Variants in ZNRF3 observed in about 807,000 individuals in gnomAD.
The protein encoded by ZNRF3 is zinc and ring finger 3.
ZNRF3 carries 23 observed loss-of-function variants against 72.5 expected under a neutral mutation model. The observed-to-expected ratio is 0.32, with a 90% CI of 0.23 to 0.45. ZNRF3 has a LOEUF of 0.45. ZNRF3 is among the 20% of genes least tolerant of loss of function. The probability of loss-of-function intolerance (pLI) is 1.00; values close to 1 mark genes in which losing one functional copy is unlikely to be tolerated. For missense variants in ZNRF3, 1,169 were observed against 1,272.1 expected (o/e 0.92, Z 1.23); for synonymous variants, 610 against 545.3 (o/e 1.12, Z -1.65).
At chr22:28,958,981 G>T (rs895197750) in intron 1 of ZNRF3, among the ~76,000 whole-genome samples, 1 of 152,202 alleles carries the variant, frequency 6.6e-6, no homozygotes, top group African/African-American at 2.4e-5. Context: ...ACCCGTTCTG[G>T]TATGAAATTT....
At chr22:28,921,625 G>A (rs2034515137) in intron 1 of ZNRF3, among the ~76,000 whole-genome samples, 1 of 152,198 alleles carries the variant, frequency 6.6e-6, no homozygotes, top group African/African-American at 2.4e-5. Context: ...ATTGTTTTGT[G>A]TTGTTTAACT....
chr22:29,049,918 G>C lies in ZNRF3; in HGVS notation c.1737G>C (p.Val579=), dbSNP rs199959219. ...GCACTGAGGTCAGCAACCAGGGCGT[G>C]TACGGGAGCTGCTCCACCTTCCGCA... The part of the protein sequence containing the change: ...VDCTEVSNQG[V]YGSCSTFRSS... Residue 579 remains valine, a synonymous_variant, in exon 8 of 9, where the codon GTG becomes GTC. Coordinates refer to ENST00000544604, the MANE Select transcript of ZNRF3 (RefSeq NM_001206998.2). This position sits in a 1 kb window ranked among gnomAD's most constrained non-coding sequence, Gnocchi z 5.2. 5.0e-6 allele frequency: 8 copies of C among 1,607,142 alleles called. No individual in the cohort carries two copies. The South Asian group carries it at 7.8e-5, about 16-fold the overall frequency.
At chr22:29,031,660 T>G in intron 2 of ZNRF3, 1 of 983,364 alleles carries the variant, frequency 1.0e-6, no homozygotes, top group Non-Finnish European at 1.2e-6. Context: ...CTTAGTGGCC[T>G]CCAGAGGGAG....
At chr22:29,008,555 G>A (rs1428203574) in intron 2 of ZNRF3, among the ~76,000 whole-genome samples, 2 of 152,128 alleles carry the variant, frequency 1.3e-5, no homozygotes, top group Non-Finnish European at 2.9e-5. Flanking sequence ...TTCCTTTCTC[G>A]TCAGCATCAA....
intron 1 of ZNRF3, among the ~76,000 whole-genome samples, chr22:28,901,645 T>TC (rs2034105893): frequency 6.7e-6 from 1 of 148,468 alleles, no homozygotes; most frequent in African/African-American, 2.5e-5. Flanking sequence ...CTTTTTTTTT[T>TC]TTTTTTTTTT....
chr22:28,975,059 A>G (rs1569267259), intron 1 of ZNRF3, among the ~76,000 whole-genome samples: 1 of 151,920 alleles, frequency 6.6e-6, no homozygotes, highest in Non-Finnish European at 1.5e-5. Flanking sequence ...TCTTTGGGGG[A>G]ACTTTTTTTT....
At chr22:28,923,993 T>G (rs935490423) in intron 1 of ZNRF3, among the ~76,000 whole-genome samples, 1 of 152,232 alleles carries the variant, frequency 6.6e-6, no homozygotes, top group African/African-American at 2.4e-5. Context: ...GGTATCGGCT[T>G]TGCCCCGGGC....
intron 2 of ZNRF3, among the ~76,000 whole-genome samples, chr22:29,001,296 TA>T (rs1377499408): frequency 6.6e-6 from 1 of 151,612 alleles, no homozygotes. Context: ...GAGCTTTACC[TA>T]TTTTTTTAAT....
chr22:28,927,154 A>C (rs1054435274), intron 1 of ZNRF3, among the ~76,000 whole-genome samples: 1 of 152,174 alleles, frequency 6.6e-6, no homozygotes, highest in African/African-American at 2.4e-5. Flanking sequence ...TGAGATTATC[A>C]ATGTAAACTT....
intron 1 of ZNRF3, among the ~76,000 whole-genome samples, chr22:28,981,270 C>T (rs146781499): frequency 5.1e-4 from 78 of 152,294 alleles, no homozygotes; most frequent in African/African-American, 1.7e-3. Flanking sequence ...GAATTTCTTA[C>T]AGAGAAGGTT....
chr22:28,934,762 G>A (rs2034788692), intron 1 of ZNRF3, among the ~76,000 whole-genome samples: 2 of 149,522 alleles, frequency 1.3e-5, no homozygotes, highest in South Asian at 4.2e-4. Context: ...AGGCTGCAGT[G>A]AGCCGAGATA....
chr22:29,012,101 T>C (rs959359455), intron 2 of ZNRF3, among the ~76,000 whole-genome samples: 3 of 152,238 alleles, frequency 2.0e-5, no homozygotes, highest in African/African-American at 7.2e-5. Flanking sequence ...GGATCTTATG[T>C]TGCCCCTGCC....
rs545093710 is a variant in ZNRF3, at chr22:29,028,711, A to C, written c.427-13784A>C. On this transcript the variant is annotated intron_variant, in intron 2 of 8. Transcript: ENST00000544604. ...GCCTCCAGCTGTAAAATGGGGATCA[A>C]CACCACCTCCCTTGCAGAGTTGCTC... 1.3e-4 allele frequency among the ~76,000 whole-genome samples: 20 copies of C among 152,312 alleles called. No individual in the cohort carries two copies. The South Asian group carries it at 3.7e-3, about 28-fold the overall frequency.
At chr22:28,944,402 C>G (rs1394895377) in intron 1 of ZNRF3, among the ~76,000 whole-genome samples, 1 of 151,812 alleles carries the variant, frequency 6.6e-6, no homozygotes, top group East Asian at 1.9e-4. Flanking sequence ...GCGGGCGGAT[C>G]ACGAGGTCAG....
chr22:28,934,109 T>C (rs1178053463), intron 1 of ZNRF3, among the ~76,000 whole-genome samples: 1 of 152,126 alleles, frequency 6.6e-6, no homozygotes, highest in South Asian at 2.1e-4. Context: ...AAAAGTACTT[T>C]CCAGCTTCCA....
intron 1 of ZNRF3, among the ~76,000 whole-genome samples, chr22:28,898,155 C>T (rs1327659780): frequency 6.6e-6 from 1 of 152,150 alleles, no homozygotes; most frequent in Non-Finnish European, 1.5e-5. Context: ...GCTGTGTTAC[C>T]CAGGCTGCTC....
At chr22:28,977,517 A>G (rs1282674004) in intron 1 of ZNRF3, among the ~76,000 whole-genome samples, 1 of 152,152 alleles carries the variant, frequency 6.6e-6, no homozygotes, top group Non-Finnish European at 1.5e-5. Context: ...GGTTCTAGCC[A>G]CCACACCTTT....
rs138858047 is a variant in ZNRF3, at chr22:29,007,626, C to A, written c.426+20425C>A. Among the ~76,000 whole-genome samples the A allele has an allele frequency of 6.4e-3, 978 of 152,156 alleles. 8 individuals are homozygous for A. Among genetic ancestry groups the A allele is most frequent in the Non-Finnish European group, 8.7e-3 (593 of 68,022 alleles). ...CCAGCCTGGGGTGACAAGACCTCAT[C>A]TCTAGAAAACAAATCTCTCCTATAG... On this transcript the variant is annotated intron_variant, in intron 2 of 8. Transcript: ENST00000544604.
chr22:29,031,437 GAA>G (rs1473581963), intron 2 of ZNRF3: 2 of 235,328 alleles, frequency 8.5e-6, no homozygotes, highest in South Asian at 3.1e-4. Context: ...CCTATGGAAT[GAA>G]AAGTTTCTGT....
Sources: gnomAD v4.1 joint callset for allele counts (sites outside exome capture counted in the v4.1 genomes callset) on GRCh38, gnomAD v4.1.1 for gene constraint, Gnocchi (gnomAD v3.1) non-coding constraint, MANE v1.5 for transcripts, NCBI Gene and HGNC (gene_info 2026-07-23, HGNC 2026-07-21) for gene names.